The following ANKRD17 variants were observed in gnomAD, a reference collection of about 807,000 sequenced individuals.
ANKRD17 encodes the protein ankyrin repeat domain-containing protein 17.
In ANKRD17, 19 loss-of-function variants were observed where a neutral mutation model predicts 229.7. The observed-to-expected ratio is 0.08, with a 90% CI of 0.06 to 0.12. The LOEUF (loss-of-function observed/expected upper bound fraction) is 0.12, where lower values mean the gene tolerates loss of function less well. Among genes scored for constraint, ANKRD17 ranks in the 10% least tolerant of loss-of-function variants. ANKRD17 has a pLI of 1.00. For synonymous variants in ANKRD17, 1,112 were observed against 1,146.1 expected, an observed-to-expected ratio of 0.97 and a Z score of 0.60; for missense variants, 2,176 against 3,176.8, an observed-to-expected ratio of 0.68 and a Z score of 7.57.
chr4:73,167,062 T>G (rs943216614), intron 2 of ANKRD17, among the ~76,000 whole-genome samples: 5 of 152,138 alleles, frequency 3.3e-5, no homozygotes, highest in Non-Finnish European at 7.4e-5. Context: ...ACTAAAATAT[T>G]TATATATATG....
At chr4:73,198,152 C>T (rs989469528) in intron 1 of ANKRD17, among the ~76,000 whole-genome samples, 5 of 152,120 alleles carry the variant, frequency 3.3e-5, no homozygotes, top group Non-Finnish European at 7.4e-5. Context: ...GTGGCTACTC[C>T]ATCTACCTGC....
intron 5 of ANKRD17, among the ~76,000 whole-genome samples, chr4:73,155,043 A>AC (rs1731486822): frequency 6.6e-6 from 1 of 151,330 alleles, no homozygotes; most frequent in South Asian, 2.1e-4. Context: ...TCCGTCTCAA[A>AC]AAAAAAAAAA....
rs756955615 is a variant in ANKRD17 at position 73,139,994 on chromosome 4, T to C, written c.2622A>G (p.Arg874=). 2 of 1,614,236 alleles carry C rather than the reference T, an allele frequency of 1.2e-6. No homozygotes were observed. The highest frequency in any genetic ancestry group is 1.7e-5 in the Admixed American group (1 of 60,026). The change falls in exon 15 of 34, where the codon CGA becomes CGG. Residue 874 remains arginine (R), a synonymous_variant. Coordinates refer to ENST00000358602, the MANE Select transcript of ANKRD17 (RefSeq NM_032217.5). ...GCTGCTGAGTTTTCAGTTGTAACTC[T>C]CGTTCTACTTTCTGTAGTTCCTCCA... ...KILEELQKVE[R]ELQLKTQQQL... is the part of the protein sequence containing the mutation.
At position 73,147,415 on chromosome 4, in the gene ANKRD17, G is replaced by A; in HGVS notation, c.1585C>T (p.Gln529Ter). The A allele has an allele frequency of 6.4e-7, 1 of 1,563,672 alleles. No homozygotes were observed. Among genetic ancestry groups the A allele is most frequent in the South Asian group, 1.2e-5 (1 of 81,392 alleles). ...LLGQGANINA[Q>*]TEETQETALT... ...GCAGTTTCTTGAGTTTCTTCTGTCT[G>A]TGCATTGATATTTGCTCCTAAAATA... The change falls in exon 9 of 34, where the codon CAG becomes TAG. Residue 529 changes from glutamine to a stop codon, truncating the protein, a stop_gained. Transcript: ENST00000358602. LOFTEE classifies it high-confidence loss of function.
In ANKRD17 at chr4:73,098,342, T is replaced by C. The variant is rs1246143963; in HGVS notation, c.4752A>G (p.Ile1584Met). 1.2e-6 allele frequency: 2 copies of C among 1,614,114 alleles called. No individual in the cohort carries two copies. The highest frequency in any genetic ancestry group is 2.2e-5 in the East Asian group (1 of 44,894). ...ATGAAATTGGTAGTGGATCATCAAA[T>C]ATAATTTGAACGTTTTCTGGAGTAA... ...NKITPENVQI[I>M]FDDPLPISYS... The change falls in exon 26 of 34, where the codon ATA becomes ATG. Residue 1584 changes from isoleucine (I) to methionine (M), a missense_variant. Coordinates refer to ENST00000358602, the MANE Select transcript of ANKRD17 (RefSeq NM_032217.5).
At chr4:73,257,036 C>G (rs1322113967) in intron 1 of ANKRD17, among the ~76,000 whole-genome samples, 1 of 152,122 alleles carries the variant, frequency 6.6e-6, no homozygotes, top group Non-Finnish European at 1.5e-5. Flanking sequence ...TTCGGAAAAC[C>G]AGACTTGCAT....
chr4:73,250,688 TTTGTTGTTGTTG>T (rs537285641), intron 1 of ANKRD17, among the ~76,000 whole-genome samples: 24 of 148,616 alleles, frequency 1.6e-4, no homozygotes, highest in South Asian at 4.3e-4. Flanking sequence ...TGTAACGGTT[TTTGTTGTTGTTG>T]TTGTTGTTGT....
intron 25 of ANKRD17, 103 bp from the exon 26 acceptor site, chr4:73,098,623 T>A: frequency 9.3e-7 from 1 of 1,075,176 alleles, no homozygotes; most frequent in Non-Finnish European, 1.3e-6. Flanking sequence ...GATACTCTAC[T>A]ACTATTAGCC....
At chr4:73,158,191 AG>A (rs1193036629) in intron 3 of ANKRD17, among the ~76,000 whole-genome samples, 4 of 143,356 alleles carry the variant, frequency 2.8e-5, no homozygotes, top group Admixed American at 6.9e-5. Context: ...AAAGAAAGAG[AG>A]AGAAAGAAAG....
chr4:73,240,975 A>C (rs967852938), intron 1 of ANKRD17, among the ~76,000 whole-genome samples: 1 of 151,226 alleles, frequency 6.6e-6, no homozygotes, highest in African/African-American at 2.4e-5. Flanking sequence ...CACCCAGCTA[A>C]TTTTTTTTGT....
chr4:73,170,804 G>C (rs1733887776), intron 2 of ANKRD17, among the ~76,000 whole-genome samples: 1 of 152,164 alleles, frequency 6.6e-6, no homozygotes, highest in African/African-American at 2.4e-5. Context: ...GAAAGAGGAA[G>C]AGTGGGAAGG....
intron 3 of ANKRD17, among the ~76,000 whole-genome samples, chr4:73,158,028 T>C (rs1053352229): frequency 1.3e-5 from 2 of 150,780 alleles, no homozygotes; most frequent in African/African-American, 4.9e-5. Flanking sequence ...GAGGTGGAGG[T>C]TGCAGTGAGC....
At chr4:73,225,022 C>A (rs1742322819) in intron 1 of ANKRD17, among the ~76,000 whole-genome samples, 1 of 152,180 alleles carries the variant, frequency 6.6e-6, no homozygotes, top group Admixed American at 6.5e-5. Flanking sequence ...TATGTTTTAC[C>A]TCATACCATA....
intron 30 of ANKRD17, among the ~76,000 whole-genome samples, chr4:73,083,121 C>T (rs908473250): frequency 5.9e-5 from 9 of 152,142 alleles, no homozygotes; most frequent in Admixed American, 4.6e-4. Context: ...GAAAAATATA[C>T]AAGGGATCCT....
chr4:73,212,710 T>C (rs1578411737), intron 1 of ANKRD17, among the ~76,000 whole-genome samples: 1 of 152,178 alleles, frequency 6.6e-6, no homozygotes. Context: ...TAACTAGTTA[T>C]TTCTTTGTGA....
At chr4:73,128,594 T>C (rs577256500) in intron 16 of ANKRD17, among the ~76,000 whole-genome samples, 12 of 152,284 alleles carry the variant, frequency 7.9e-5, no homozygotes, top group Admixed American at 7.9e-4. Flanking sequence ...TTCAAAGCAC[T>C]CTACTAAGTG....
chr4:73,116,889 A>T (rs1434346935), intron 22 of ANKRD17, among the ~76,000 whole-genome samples: 1 of 152,050 alleles, frequency 6.6e-6, no homozygotes, highest in African/African-American at 2.4e-5. Flanking sequence ...ATAGTACTCT[A>T]GCCCACAGTT....
rs759167028 is a variant in ANKRD17, at chr4:73,121,107, G to T, written c.3636-13C>A. The stretch of plus-strand genomic sequence containing the variant: ...TTTGCTACCAGTTCTAGGGGTGCAG[G>T]TATGGGGAAAACAAATGGAAAAATA... On this transcript the variant is annotated splice_polypyrimidine_tract_variant and intron_variant, in intron 19 of 33. Coordinates refer to ENST00000358602, the MANE Select transcript of ANKRD17 (RefSeq NM_032217.5). 1.1e-5 allele frequency: 17 copies of T among 1,603,522 alleles called. No individual in the cohort carries two copies. The African/African-American group carries it at 1.1e-4, about 10-fold the overall frequency.
intron 1 of ANKRD17, among the ~76,000 whole-genome samples, chr4:73,205,154 A>T (rs1334395447): frequency 6.6e-6 from 1 of 151,994 alleles, no homozygotes; most frequent in Non-Finnish European, 1.5e-5. Flanking sequence ...CCTCTACAAT[A>T]AAAAAATTTA....
Sources: gnomAD v4.1 joint callset for allele counts (sites outside exome capture counted in the v4.1 genomes callset) on GRCh38, gnomAD v4.1.1 for gene constraint, MANE v1.5 for transcripts, NCBI Gene and HGNC (gene_info 2026-07-23, HGNC 2026-07-21) for gene names.